AUTS2: variants seen among roughly 807,000 people sequenced by gnomAD.
The protein encoded by AUTS2 is autism susceptibility gene 2 protein.
Under a neutral mutation model 112.4 loss-of-function variants are expected in AUTS2, and 17 were observed. The ratio of observed to expected loss-of-function variants is 0.15; its 90% CI spans 0.10 to 0.23. The LOEUF (loss-of-function observed/expected upper bound fraction) is 0.23, where lower values mean the gene tolerates loss of function less well. Ranked by LOEUF, AUTS2 falls within the 10% of genes least tolerant of loss-of-function variation. The probability of loss-of-function intolerance (pLI) is 1.00; values close to 1 mark genes in which losing one functional copy is unlikely to be tolerated. For missense variants in AUTS2, 1,510 were observed against 1,701.6 expected (o/e 0.89, Z 1.98); for synonymous variants, 751 against 702.7 (o/e 1.07, Z -1.09).
At chr7:70,309,147 G>A (rs1299352026) in intron 4 of AUTS2, among the ~76,000 whole-genome samples, 1 of 152,186 alleles carries the variant, frequency 6.6e-6, no homozygotes, top group Non-Finnish European at 1.5e-5. Flanking sequence ...AGAACCATCA[G>A]TTAAGAATTA....
At chr7:69,694,304 G>A (rs1310565818) in intron 1 of AUTS2, among the ~76,000 whole-genome samples, 1 of 152,140 alleles carries the variant, frequency 6.6e-6, no homozygotes, top group Non-Finnish European at 1.5e-5. Flanking sequence ...TGAAAGCCCT[G>A]CAGGTAATTT....
At chr7:69,756,042 G>A (rs1297294021) in intron 1 of AUTS2, among the ~76,000 whole-genome samples, 1 of 152,154 alleles carries the variant, frequency 6.6e-6, no homozygotes, top group African/African-American at 2.4e-5. Context: ...GAGGTCACAG[G>A]GCAAAGACAA....
intron 4 of AUTS2, among the ~76,000 whole-genome samples, chr7:70,401,596 G>A (rs887631642): frequency 6.6e-6 from 1 of 152,204 alleles, no homozygotes; most frequent in African/African-American, 2.4e-5. Context: ...AGACCGTGGA[G>A]AGTAGAGAGG....
chr7:70,734,358 T>G (rs1585594590), intron 6 of AUTS2, among the ~76,000 whole-genome samples: 1 of 151,794 alleles, frequency 6.6e-6, no homozygotes, highest in African/African-American at 2.4e-5. Context: ...GAGAATGGCA[T>G]GAACCTGGGA....
intron 1 of AUTS2, among the ~76,000 whole-genome samples, chr7:69,789,939 T>G (rs183153651): frequency 1.2e-3 from 161 of 138,210 alleles, no homozygotes; most frequent in Middle Eastern, 3.4e-3. Context: ...TAAATAAATA[T>G]CTTTTTTTTC....
intron 2 of AUTS2, among the ~76,000 whole-genome samples, chr7:69,910,277 G>C (rs1407541229): frequency 2.6e-5 from 4 of 152,192 alleles, no homozygotes; most frequent in Non-Finnish European, 5.9e-5. Flanking sequence ...CCTTCTCTCT[G>C]AGTATTGCTC....
chr7:70,026,539 C>T (rs889387910), intron 2 of AUTS2, among the ~76,000 whole-genome samples: 1 of 152,044 alleles, frequency 6.6e-6, no homozygotes, highest in South Asian at 2.1e-4. Context: ...TGGCATGGAA[C>T]GATTTGAATG....
intron 2 of AUTS2, among the ~76,000 whole-genome samples, chr7:69,947,617 A>AT (rs1412271123): frequency 3.3e-5 from 5 of 152,162 alleles, no homozygotes; most frequent in Non-Finnish European, 7.3e-5. Flanking sequence ...CACTAGGCAG[A>AT]TTTTTTTATT....
intron 3 of AUTS2, among the ~76,000 whole-genome samples, chr7:70,121,252 A>G (rs1338318357): frequency 6.6e-6 from 1 of 152,328 alleles, no homozygotes; most frequent in Non-Finnish European, 1.5e-5. Flanking sequence ...CTCTTAGAAG[A>G]AAATATACAG....
chr7:70,049,276 TC>T (rs996926865), intron 2 of AUTS2, among the ~76,000 whole-genome samples: 6 of 152,194 alleles, frequency 3.9e-5, no homozygotes, highest in Non-Finnish European at 7.3e-5. Flanking sequence ...TTAGAATACT[TC>T]GGTGAAAGGA....
chr7:70,111,191 T>C (rs1805071866), intron 2 of AUTS2, among the ~76,000 whole-genome samples: 1 of 152,142 alleles, frequency 6.6e-6, no homozygotes, highest in Admixed American at 6.5e-5. Flanking sequence ...AACTTTCTTA[T>C]TTAAAATCCA....
At chr7:69,899,552 T>C in intron 2 of AUTS2, 54 bp downstream of exon 2, 1 of 1,554,976 alleles carries the variant, frequency 6.4e-7, no homozygotes, top group African/African-American at 1.4e-5. Context: ...CTTCCTTAGG[T>C]GCTTCCTCCA....
intron 4 of AUTS2, among the ~76,000 whole-genome samples, chr7:70,385,198 T>C (rs990669576): frequency 6.6e-6 from 1 of 152,198 alleles, no homozygotes; most frequent in African/African-American, 2.4e-5. Flanking sequence ...CACTAAACTG[T>C]TCTCCCTAAA....
chr7:70,638,080 C>CA (rs1349992540), intron 5 of AUTS2, among the ~76,000 whole-genome samples: 6 of 152,180 alleles, frequency 3.9e-5, no homozygotes, highest in African/African-American at 1.4e-4. Flanking sequence ...AGTGCCCTGG[C>CA]AGTGCTTCCC....
chr7:70,237,480 G>A (rs1812388469), intron 4 of AUTS2, among the ~76,000 whole-genome samples: 1 of 152,140 alleles, frequency 6.6e-6, no homozygotes, highest in African/African-American at 2.4e-5. Context: ...CTACTCATAT[G>A]ATATCCTGGC....
chr7:70,429,857 A>C (rs1032316846), intron 4 of AUTS2, among the ~76,000 whole-genome samples: 1 of 152,212 alleles, frequency 6.6e-6, no homozygotes, highest in Non-Finnish European at 1.5e-5. Context: ...ATGGCTCTTC[A>C]CCACAGAAAG....
intron 1 of AUTS2, among the ~76,000 whole-genome samples, chr7:69,803,418 A>G (rs1039900554): frequency 8.5e-5 from 13 of 152,050 alleles, no homozygotes; most frequent in African/African-American, 2.9e-4. Context: ...TTGCTTCTCT[A>G]TAATGATGTT....
intron 4 of AUTS2, among the ~76,000 whole-genome samples, chr7:70,414,436 T>A (rs1794908383): frequency 1.3e-5 from 2 of 152,174 alleles, no homozygotes; most frequent in South Asian, 4.1e-4. Flanking sequence ...ACATGGGTGA[T>A]CTGGGCACAG....
At chr7:70,523,902 C>T (rs1585252985) in intron 5 of AUTS2, among the ~76,000 whole-genome samples, 2 of 152,312 alleles carry the variant, frequency 1.3e-5, no homozygotes, top group Non-Finnish European at 2.9e-5. Context: ...TCTCACTGCC[C>T]TGCCCCAAGC....
Sources: allele counts gnomAD v4.1 joint callset (sites outside exome capture counted in the v4.1 genomes callset), GRCh38; gene constraint gnomAD v4.1.1; transcripts MANE v1.5; gene names NCBI Gene and HGNC (gene_info 2026-07-23, HGNC 2026-07-21).